The following ADAMTSL1 variants were observed in gnomAD, a reference collection of about 807,000 sequenced individuals.
ADAMTSL1 encodes the protein ADAMTS like 1.
Under a neutral mutation model 201.8 loss-of-function variants are expected in ADAMTSL1, and 126 were observed. The ratio of observed to expected loss-of-function variants is 0.62; its 90% CI spans 0.54 to 0.72. The LOEUF (loss-of-function observed/expected upper bound fraction) is 0.72. Among genes scored for constraint, ADAMTSL1 ranks in the 30% least tolerant of loss-of-function variants. ADAMTSL1 has a pLI of 0.00. For missense variants in ADAMTSL1, 2,679 were observed against 2,277.8 expected (o/e 1.18, Z -3.59); for synonymous variants, 1,121 against 903.4 (o/e 1.24, Z -4.32).
At chr9:18,437,459 T>C (rs1587210481) in intron 2 of ADAMTSL1, among the ~76,000 whole-genome samples, 1 of 152,076 alleles carries the variant, frequency 6.6e-6, no homozygotes, top group East Asian at 1.9e-4. Flanking sequence ...TTTTGCACAA[T>C]GCTTAAAATC....
intron 1 of ADAMTSL1, among the ~76,000 whole-genome samples, chr9:18,045,130 A>C (rs73643502): frequency 0.013 from 1,956 of 152,236 alleles, 34 homozygotes; most frequent in African/African-American, 0.045. Flanking sequence ...TCAGGAAAGA[A>C]AGGAGGTTCT....
chr9:17,987,239 G>T (rs977601830), intron 1 of ADAMTSL1, among the ~76,000 whole-genome samples: 1 of 152,030 alleles, frequency 6.6e-6, no homozygotes, highest in Admixed American at 6.6e-5. Context: ...TATTACTATC[G>T]TAGTGTTCAC....
chr9:18,551,644 T>A (rs2132224726), intron 3 of ADAMTSL1, among the ~76,000 whole-genome samples: 1 of 151,610 alleles, frequency 6.6e-6, no homozygotes, highest in East Asian at 2.0e-4. Flanking sequence ...AGGTCTGACC[T>A]CCTAACTGTG....
At chr9:18,044,949 T>G (rs1821598093) in intron 1 of ADAMTSL1, among the ~76,000 whole-genome samples, 1 of 152,188 alleles carries the variant, frequency 6.6e-6, no homozygotes, top group South Asian at 2.1e-4. Flanking sequence ...TCTGATGCAC[T>G]TTTATTCCTA....
chr9:18,056,167 T>TC (rs1382110553), intron 1 of ADAMTSL1, among the ~76,000 whole-genome samples: 2 of 151,930 alleles, frequency 1.3e-5, no homozygotes, highest in Non-Finnish European at 2.9e-5. Flanking sequence ...TTTTTTTTTT[T>TC]TCCTCTGCCC....
chr9:18,701,223 T>TA (rs1831903040), intron 13 of ADAMTSL1, among the ~76,000 whole-genome samples: 1 of 146,394 alleles, frequency 6.8e-6, no homozygotes, highest in African/African-American at 2.5e-5. Context: ...TTTTTTTTTT[T>TA]TTTTTTTTTT....
intron 23 of ADAMTSL1, among the ~76,000 whole-genome samples, chr9:18,834,955 A>G (rs899461037): frequency 2.6e-5 from 4 of 152,206 alleles, no homozygotes; most frequent in African/African-American, 9.6e-5. Context: ...GTATGCACAC[A>G]TAGTTTCATT....
intron 26 of ADAMTSL1, among the ~76,000 whole-genome samples, chr9:18,903,782 CACAGA>C (rs1830139111): frequency 6.6e-6 from 1 of 151,652 alleles, no homozygotes; most frequent in Non-Finnish European, 1.5e-5. Context: ...CAGTCAATCT[CACAGA>C]ACCCGCATAT....
At chr9:18,144,191 TTTTC>T (rs150298163) in intron 1 of ADAMTSL1, among the ~76,000 whole-genome samples, 146,032 of 149,376 alleles carry the variant, frequency 0.98, 71,426 homozygotes, top group Middle Eastern at 1. Flanking sequence ...ATATACATCT[TTTTC>T]TTTCTTTCTT....
intron 2 of ADAMTSL1, among the ~76,000 whole-genome samples, chr9:18,257,100 G>T (rs1456472981): frequency 1.3e-5 from 2 of 152,142 alleles, no homozygotes; most frequent in Admixed American, 1.3e-4. Context: ...TTGGATAGAT[G>T]ATAGGTATGA....
intron 21 of ADAMTSL1, among the ~76,000 whole-genome samples, chr9:18,825,054 G>C (rs1824461180): frequency 6.6e-6 from 1 of 152,132 alleles, no homozygotes; most frequent in Admixed American, 6.5e-5. Context: ...TAAATAAACT[G>C]TGTGAGCTGG....
At chr9:18,477,945 A>C (rs892609294) in intron 1 of ADAMTSL1, among the ~76,000 whole-genome samples, 2 of 152,212 alleles carry the variant, frequency 1.3e-5, no homozygotes, top group Non-Finnish European at 1.5e-5. Context: ...TTACACCAGG[A>C]AAGTTTTTCC....
intron 2 of ADAMTSL1, among the ~76,000 whole-genome samples, chr9:18,281,625 A>T (rs1307721637): frequency 6.6e-6 from 1 of 152,260 alleles, no homozygotes; most frequent in Non-Finnish European, 1.5e-5. Context: ...GTATAAGAAT[A>T]GATTGAAATA....
At chr9:18,283,945 A>G (rs1348878179) in intron 2 of ADAMTSL1, among the ~76,000 whole-genome samples, 1 of 148,658 alleles carries the variant, frequency 6.7e-6, no homozygotes, top group African/African-American at 2.5e-5. Flanking sequence ...AAGAAGAAGA[A>G]GAAGGCTGGG....
At chr9:18,080,894 A>C (rs1444942172) in intron 1 of ADAMTSL1, among the ~76,000 whole-genome samples, 1 of 152,216 alleles carries the variant, frequency 6.6e-6, no homozygotes, top group East Asian at 1.9e-4. Context: ...TCATTATTTT[A>C]ATGTTAGTCC....
chr9:18,048,925 A>G (rs1363690706), intron 1 of ADAMTSL1, among the ~76,000 whole-genome samples: 1 of 152,152 alleles, frequency 6.6e-6, no homozygotes, highest in Non-Finnish European at 1.5e-5. Flanking sequence ...GAAATCCAAG[A>G]TCAAGGTATC....
At position 18,889,626 on chromosome 9, in the gene ADAMTSL1, G is replaced by T. The variant is rs36057514; in HGVS notation, c.4521G>T (p.Gly1507=). The T allele has an allele frequency of 1.2e-6, 2 of 1,613,394 alleles. No homozygotes were observed. Among genetic ancestry groups the T allele is most frequent in the East Asian group, 2.2e-5 (1 of 44,842 alleles). Residue 1507 remains glycine (G), a synonymous_variant, in exon 25 of 29, where the codon GGG becomes GGT. Coordinates refer to ENST00000380548, the MANE Select transcript of ADAMTSL1 (RefSeq NM_001040272.6). The part of the protein sequence containing the change: ...ATCSASCGNR[G]VQQPRLRCLL... Reference sequence around the variant, plus strand: ...GCTCAGCCTCCTGTGGTAACCGGGGGGTTCAGCAGCCCCGCTTGAGGTGCC... The same window carrying T: ...GCTCAGCCTCCTGTGGTAACCGGGGTGTTCAGCAGCCCCGCTTGAGGTGCC...
At position 18,838,897 on chromosome 9, in the gene ADAMTSL1, C is replaced by A. The variant is rs1359016463; in HGVS notation, c.4249+8920C>A. Reference sequence around the variant, plus strand: ...CTCTTTTTTTTAAAAAAAAAAAAAACCTAAAATATGTAATTACATGTGGCT... The same window carrying A: ...CTCTTTTTTTTAAAAAAAAAAAAAAACTAAAATATGTAATTACATGTGGCT... On this transcript the variant is annotated intron_variant, in intron 23 of 28. Transcript: ENST00000380548. 4.0e-5 allele frequency among the ~76,000 whole-genome samples: 6 copies of A among 150,124 alleles called. No individual in the cohort carries two copies. In the East Asian group the frequency reaches 5.8e-4, roughly 15 times the overall value.
chr9:17,917,223 G>T (rs1826128586), intron 1 of ADAMTSL1, among the ~76,000 whole-genome samples: 1 of 152,020 alleles, frequency 6.6e-6, no homozygotes, highest in African/African-American at 2.4e-5. Flanking sequence ...GTTCTTTAAA[G>T]TCTTTATGTC....
Sources: gnomAD v4.1 joint callset for allele counts (sites outside exome capture counted in the v4.1 genomes callset) on GRCh38, gnomAD v4.1.1 for gene constraint, MANE v1.5 for transcripts, NCBI Gene and HGNC (gene_info 2026-07-23, HGNC 2026-07-21) for gene names.